KLF17: variants seen among roughly 807,000 people sequenced by gnomAD.
KLF17 encodes the protein KLF transcription factor 17, also known as Krueppel-like factor 17.
KLF17 carries 31 observed loss-of-function variants against 34.2 expected under a neutral mutation model. The ratio of observed to expected loss-of-function variants is 0.91; its 90% confidence interval spans 0.68 to 1.22. The LOEUF (loss-of-function observed/expected upper bound fraction) is 1.22. Among genes scored for constraint, KLF17 ranks in the 50% most tolerant of loss-of-function variants. The probability of loss-of-function intolerance (pLI) is 0.00; values close to 1 mark genes in which losing one functional copy is unlikely to be tolerated. For synonymous variants in KLF17, 179 were observed against 186.7 expected, an observed-to-expected ratio of 0.96 and a Z score of 0.34; for missense variants, 478 against 505.2, an observed-to-expected ratio of 0.95 and a Z score of 0.52.
At chr1:44,130,864 CG>C in intron 3 of KLF17, 108 bp downstream of exon 3, 2 of 1,048,286 alleles carry the variant, frequency 1.9e-6, no homozygotes, top group Non-Finnish European at 2.8e-6. Flanking sequence ...TGGCGCAATT[CG>C]GTTCACTGCA....
At chr1:44,130,368 GC>G in intron 2 of KLF17, 143 bp from the exon 3 acceptor site, 1 of 1,367,420 alleles carries the variant, frequency 7.3e-7, no homozygotes, top group African/African-American at 1.4e-5. Flanking sequence ...GATGACTGGG[GC>G]GGGCACTCCT....
chr1:44,085,746 A>G, the KLF17 span, among the ~76,000 whole-genome samples: 1 of 142,828 alleles, frequency 7.0e-6, no homozygotes, highest in East Asian at 2.2e-4. Flanking sequence ...CGAGACTGCA[A>G]TGAGCTATGA....
the KLF17 span, among the ~76,000 whole-genome samples, chr1:44,062,603 C>T: frequency 5.0e-4 from 76 of 151,476 alleles, 2 homozygotes; most frequent in Admixed American, 4.6e-3. Context: ...TGCCTATAGT[C>T]CCAGCTACTC....
chr1:44,073,211 T>TC, the KLF17 span, among the ~76,000 whole-genome samples: 93 of 144,826 alleles, frequency 6.4e-4, 1 homozygote, highest in East Asian at 5.3e-3. Context: ...TTCTTCTTCT[T>TC]TTTTTTTTTT....
the KLF17 span, among the ~76,000 whole-genome samples, chr1:44,056,607 A>G: frequency 1.3e-5 from 2 of 152,132 alleles, no homozygotes; most frequent in Non-Finnish European, 2.9e-5. Context: ...CCTAATTTAG[A>G]AAAAAACTTT....
the KLF17 span, among the ~76,000 whole-genome samples, chr1:44,057,114 C>A: frequency 6.6e-6 from 1 of 151,872 alleles, no homozygotes; most frequent in Admixed American, 6.6e-5. Context: ...ATGGGAGTAG[C>A]TTTATGCATG....
At chr1:44,071,192 C>T in the KLF17 span, among the ~76,000 whole-genome samples, 2 of 152,266 alleles carry the variant, frequency 1.3e-5, no homozygotes, top group Admixed American at 6.5e-5. Context: ...CAACAGCTCT[C>T]CTGGTTCCCT....
At chr1:44,085,104 A>G in the KLF17 span, among the ~76,000 whole-genome samples, 70 of 151,306 alleles carry the variant, frequency 4.6e-4, no homozygotes, top group South Asian at 0.01. Flanking sequence ...GTATATATAT[A>G]TGTGTGTGTA....
At chr1:44,104,553 G>A in the KLF17 span, 2 of 678,310 alleles carry the variant, frequency 2.9e-6, no homozygotes, top group East Asian at 2.8e-5. Context: ...AGGGGGCTCA[G>A]CAGACTCTGG....
the KLF17 span, among the ~76,000 whole-genome samples, chr1:44,070,375 T>C: frequency 1.4e-3 from 220 of 152,240 alleles, 1 homozygote; most frequent in African/African-American, 4.9e-3. Flanking sequence ...ATTTCCATTG[T>C]CTGTCATTCC....
At chr1:44,132,133 C>T (rs2088118770) in intron 3 of KLF17, among the ~76,000 whole-genome samples, 1 of 151,982 alleles carries the variant, frequency 6.6e-6, no homozygotes, top group South Asian at 2.1e-4. Flanking sequence ...TGGTGAAACC[C>T]TGTCTCTACA....
At chr1:44,133,077 G>T (rs76733272) in intron 3 of KLF17, among the ~76,000 whole-genome samples, 161 bp from the exon 4 acceptor site, 1 of 152,186 alleles carries the variant, frequency 6.6e-6, no homozygotes, top group African/African-American at 2.4e-5. Flanking sequence ...TCAAGGGACC[G>T]TCTTGATCTG....
chr1:44,051,636 T>G, the KLF17 span: 1 of 152,304 alleles, frequency 6.6e-6, no homozygotes, highest in Non-Finnish European at 1.5e-5. Context: ...TTTCCCTGAT[T>G]GTTTCCCCTC....
intron 1 of KLF17, among the ~76,000 whole-genome samples, chr1:44,119,779 T>G (rs867019813): frequency 6.6e-6 from 1 of 152,202 alleles, no homozygotes; most frequent in African/African-American, 2.4e-5. Flanking sequence ...AGGGACACCA[T>G]TGAGATCATT....
At chr1:44,085,838 G>C in the KLF17 span, among the ~76,000 whole-genome samples, 9 of 146,868 alleles carry the variant, frequency 6.1e-5, no homozygotes, top group African/African-American at 2.3e-4. Context: ...AAAAAGGAGA[G>C]AGAGAGAGCA....
the KLF17 span, among the ~76,000 whole-genome samples, chr1:44,093,607 C>T: frequency 1.3e-5 from 2 of 152,162 alleles, no homozygotes; most frequent in Admixed American, 6.5e-5. Context: ...GTTGGCCAGG[C>T]TGGCCTCAAA....
chr1:44,104,271 G>T, the KLF17 span: 24 of 1,292,826 alleles, frequency 1.9e-5, no homozygotes, highest in African/African-American at 3.7e-4. Flanking sequence ...CAGCCCCTGC[G>T]TGTTGCCAAG....
the KLF17 span, among the ~76,000 whole-genome samples, chr1:44,090,378 AT>A: frequency 1.3e-5 from 2 of 151,728 alleles, no homozygotes; most frequent in South Asian, 2.1e-4. Context: ...ACAGAAAAAA[AT>A]AATAACAAAA....
chr1:44,127,639 C>CTTTCTTTCTTTCA (rs1553171634), intron 1 of KLF17, among the ~76,000 whole-genome samples: 3 of 77,428 alleles, frequency 3.9e-5, no homozygotes, highest in African/African-American at 1.5e-4. Flanking sequence ...CTTTTCTTTC[C>CTTTCTTTCTTTCA]TTCTTTCTTT....
Sources: gnomAD v4.1 joint callset for allele counts (sites outside exome capture counted in the v4.1 genomes callset) on GRCh38, gnomAD v4.1.1 for gene constraint, MANE v1.5 for transcripts, NCBI Gene and HGNC (gene_info 2026-07-23, HGNC 2026-07-21) for gene names.